The following CAST variants were observed in gnomAD, a reference collection of about 807,000 sequenced individuals.
CAST encodes MIR583 host.
CAST carries 76 observed loss-of-function variants against 119.6 expected under a neutral mutation model. That is an observed-to-expected ratio of 0.64 (90% CI 0.53 to 0.77). CAST has a LOEUF of 0.77. CAST is among the 30% of genes least tolerant of loss of function. CAST has a pLI of 0.00. For missense variants in CAST, 953 were observed against 946.5 expected (o/e 1.01, Z -0.09); for synonymous variants, 319 against 331.6 (o/e 0.96, Z 0.41).
chr5:96,681,937 C>T (rs1370269965), intron 2 of CAST, among the ~76,000 whole-genome samples: 1 of 149,746 alleles, frequency 6.7e-6, no homozygotes, highest in Non-Finnish European at 1.5e-5. Context: ...TTCAGTTACC[C>T]ACGGTACAAT....
At chr5:96,753,703 C>T (rs576327215) in intron 20 of CAST, among the ~76,000 whole-genome samples, 80 of 152,268 alleles carry the variant, frequency 5.3e-4, no homozygotes, top group South Asian at 6.2e-4. Flanking sequence ...TTTCCTGTGC[C>T]GTCTATGGAA....
At chr5:96,576,418 C>A (rs75666472) in intron 1 of CAST, among the ~76,000 whole-genome samples, 1 of 152,086 alleles carries the variant, frequency 6.6e-6, no homozygotes, top group African/African-American at 2.4e-5. Context: ...AATCTTGGCT[C>A]ACTGCAATCT....
chr5:96,029,068 A>G, the CAST span, among the ~76,000 whole-genome samples: 1 of 152,182 alleles, frequency 6.6e-6, no homozygotes, highest in Non-Finnish European at 1.5e-5. Flanking sequence ...AACATTACCT[A>G]CAATATCTTC....
intron 1 of CAST, among the ~76,000 whole-genome samples, chr5:96,542,306 C>T (rs1390870777): frequency 3.3e-5 from 1 of 30,626 alleles, no homozygotes; most frequent in East Asian, 3.2e-3. Flanking sequence ...AAGACTTAGT[C>T]TCAAAAAAAA....
chr5:96,605,723 T>A (rs1473398671), intron 1 of CAST, among the ~76,000 whole-genome samples: 1 of 152,220 alleles, frequency 6.6e-6, no homozygotes, highest in Non-Finnish European at 1.5e-5. Flanking sequence ...CCTAGAAACA[T>A]AACTATCTTA....
the CAST span, among the ~76,000 whole-genome samples, chr5:96,291,953 C>A: frequency 6.6e-6 from 1 of 151,528 alleles, no homozygotes; most frequent in African/African-American, 2.4e-5. Context: ...TATTTTGTCT[C>A]TACTCTGGCT....
intron 24 of CAST, among the ~76,000 whole-genome samples, chr5:96,759,564 A>G (rs1024028103): frequency 5.9e-5 from 9 of 152,146 alleles, no homozygotes; most frequent in African/African-American, 1.4e-4. Flanking sequence ...AAAAGTTTTA[A>G]TAAGGTAGCC....
At chr5:96,484,017 T>A in the CAST span, among the ~76,000 whole-genome samples, 2 of 152,160 alleles carry the variant, frequency 1.3e-5, no homozygotes, top group African/African-American at 2.4e-5. Flanking sequence ...CAATTAACTA[T>A]CCTTAGTGCT....
At chr5:96,749,866 T>C (rs1764595429) in intron 19 of CAST, among the ~76,000 whole-genome samples, 1 of 152,194 alleles carries the variant, frequency 6.6e-6, no homozygotes, top group South Asian at 2.1e-4. Flanking sequence ...ATTCTTGTGA[T>C]AAAATAAGAT....
intron 1 of CAST, among the ~76,000 whole-genome samples, chr5:96,568,715 T>G (rs1036806033): frequency 1.3e-5 from 2 of 152,074 alleles, no homozygotes; most frequent in Non-Finnish European, 2.9e-5. Flanking sequence ...TTTTTTGTTT[T>G]CATGGGAATA....
chr5:96,205,831 C>T, the CAST span, among the ~76,000 whole-genome samples: 2 of 151,772 alleles, frequency 1.3e-5, no homozygotes, highest in Admixed American at 6.6e-5. Flanking sequence ...GGGTATATAC[C>T]CAATATGAGA....
At chr5:96,284,319 A>G in the CAST span, among the ~76,000 whole-genome samples, 1 of 152,170 alleles carries the variant, frequency 6.6e-6, no homozygotes, top group Non-Finnish European at 1.5e-5. Flanking sequence ...TCCTCAATCA[A>G]GTGCTCTGGG....
At chr5:96,063,932 G>C in the CAST span, among the ~76,000 whole-genome samples, 2 of 152,172 alleles carry the variant, frequency 1.3e-5, no homozygotes, top group Admixed American at 6.5e-5. Context: ...TGTGCTGGAG[G>C]CTCCTAAGCC....
chr5:96,609,373 T>C (rs896872962), intron 1 of CAST, among the ~76,000 whole-genome samples: 9 of 152,108 alleles, frequency 5.9e-5, no homozygotes, highest in African/African-American at 2.2e-4. Flanking sequence ...AGTAGAAATA[T>C]AGGATTTTTA....
intron 3 of CAST, among the ~76,000 whole-genome samples, chr5:96,703,815 C>T (rs1456061212): frequency 1.3e-5 from 2 of 152,168 alleles, no homozygotes; most frequent in Non-Finnish European, 2.9e-5. Flanking sequence ...CAGGGAAGCT[C>T]AACAAGGAGT....
chr5:96,076,919 T>C, the CAST span, among the ~76,000 whole-genome samples: 1 of 151,520 alleles, frequency 6.6e-6, no homozygotes, highest in African/African-American at 2.4e-5. Flanking sequence ...TATATATTTT[T>C]GCATAATAGT....
intron 1 of CAST, among the ~76,000 whole-genome samples, chr5:96,551,868 C>T (rs985343398): frequency 6.6e-6 from 1 of 152,118 alleles, no homozygotes; most frequent in African/African-American, 2.4e-5. Context: ...GAAGAGCAAA[C>T]TATCCTAAAT....
At chr5:96,767,732 A>G (rs1206974364) in intron 28 of CAST, among the ~76,000 whole-genome samples, 175 bp from the exon 29 acceptor site, 2 of 152,202 alleles carry the variant, frequency 1.3e-5, no homozygotes, top group African/African-American at 4.8e-5. Context: ...AAAAAAAGCC[A>G]TCAAGATTTT....
chr5:96,243,401 G>T, the CAST span, among the ~76,000 whole-genome samples: 2 of 151,280 alleles, frequency 1.3e-5, no homozygotes, highest in East Asian at 1.9e-4. Flanking sequence ...TTCTTCCTCT[G>T]TGGTTCCTAG....
Sources: allele counts gnomAD v4.1 joint callset (sites outside exome capture counted in the v4.1 genomes callset), GRCh38; gene constraint gnomAD v4.1.1; transcripts MANE v1.5; gene names NCBI Gene and HGNC (gene_info 2026-07-23, HGNC 2026-07-21).